The following ZSCAN4 variants were observed in gnomAD, a reference collection of about 807,000 sequenced individuals.
The protein encoded by ZSCAN4 is zinc finger and SCAN domain-containing protein 4.
ZSCAN4 carries 18 observed loss-of-function variants against 18.3 expected under a neutral mutation model. The observed-to-expected ratio is 0.98, with a 90% CI of 0.68 to 1.46. ZSCAN4 has a LOEUF of 1.46. Among genes scored for constraint, ZSCAN4 ranks in the 40% most tolerant of loss-of-function variants. ZSCAN4 has a pLI of 0.00. For missense variants in ZSCAN4, 498 were observed against 511.4 expected (o/e 0.97, Z 0.25); for synonymous variants, 193 against 180.3 (o/e 1.07, Z -0.57).
chr19:57,672,260 T>TG (rs1984046259), intron 2 of ZSCAN4, among the ~76,000 whole-genome samples: 1 of 152,066 alleles, frequency 6.6e-6, no homozygotes, highest in Admixed American at 6.6e-5. Context: ...TAACTGTTAA[T>TG]GGGAAAAAAA....
chr19:57,674,860 G>A (rs1438550530), intron 2 of ZSCAN4, among the ~76,000 whole-genome samples: 3 of 151,822 alleles, frequency 2.0e-5, no homozygotes, highest in Non-Finnish European at 4.4e-5. Flanking sequence ...ACTGGTTAGG[G>A]AGCAATCCAA....
chr19:57,676,416 C>T lies in ZSCAN4; in HGVS notation c.271C>T (p.Gln91Ter), dbSNP rs1479076557. ...AATTATTTCTCTATTAGTCCTGGAG[C>T]AGTTTATGATTGGTGGCCACTGCAA... Residue 91 changes from glutamine to a stop codon, truncating the protein, a stop_gained, in exon 3 of 5, where the codon CAG becomes TAG. Coordinates refer to ENST00000318203, the Ensembl canonical transcript of ZSCAN4. LOFTEE classifies it high-confidence loss of function. 3.7e-6 allele frequency: 6 copies of T among 1,614,120 alleles called. No homozygotes were observed. Among genetic ancestry groups the T allele is most frequent in the Non-Finnish European group, 5.1e-6 (6 of 1,180,018 alleles).
chr19:57,676,031 C>T lies in ZSCAN4; in HGVS notation c.-105-10C>T, dbSNP rs1984170384. 1.9e-6 allele frequency: 2 copies of T among 1,070,634 alleles called. No homozygotes were observed. The highest frequency in any genetic ancestry group is 1.8e-5 in the South Asian group (1 of 56,812). The allele number at this position is 1,070,634 out of a possible 1,614,324, so 66.3% of individuals were successfully genotyped here. A position where few individuals can be genotyped will look rare whatever the true frequency, so the allele number is the denominator to read the frequency against. On this transcript the variant is annotated splice_polypyrimidine_tract_variant and intron_variant, in intron 2 of 4. Coordinates refer to ENST00000318203, the Ensembl canonical transcript of ZSCAN4. ...GTGCAATTAATTACTCATCTCTTTT[C>T]TATTTCTAGCTTGCAGTTTTAAAGA...
chr19:57,678,766 G>GA lies in ZSCAN4; in HGVS notation c.1165dup (p.Ile389AsnfsTer14). On this transcript the variant is annotated frameshift_variant, in exon 5 of 5. Transcript: ENST00000318203. LOFTEE classifies it low-confidence loss of function (END_TRUNC). Reference sequence around the variant, plus strand: ...AAAACCAACCTGCGGTCTCATGAGAGAATCCACACAGGAGAAAAGCCTTAT... The same window carrying GA: ...AAAACCAACCTGCGGTCTCATGAGAGAAATCCACACAGGAGAAAAGCCTTAT... 4 of 1,614,070 alleles carry GA rather than the reference G, an allele frequency of 2.5e-6. No individual in the cohort carries two copies. The highest frequency in any genetic ancestry group is 3.4e-6 in the Non-Finnish European group (4 of 1,180,018).
At chr19:57,676,338 C>T (rs1984186458) in exon 3 of ZSCAN4, 3 of 1,614,184 alleles carry the variant, frequency 1.9e-6, no homozygotes, top group Middle Eastern at 1.6e-4. Flanking sequence ...ATTGCAAAGA[C>T]TTTATAGGAT....
chr19:57,678,419 A>G, exon 5 of ZSCAN4: 2 of 1,614,144 alleles, frequency 1.2e-6, no homozygotes, highest in South Asian at 1.1e-5. Flanking sequence ...TGATGGGAGC[A>G]GGGTGTATCT....
intron 1 of ZSCAN4, among the ~76,000 whole-genome samples, chr19:57,669,718 T>TC (rs56271221): frequency 8.1e-6 from 1 of 122,790 alleles, no homozygotes; most frequent in Non-Finnish European, 1.6e-5. Flanking sequence ...GTTTTTTTTT[T>TC]GTTCGTTTTG....
intron 2 of ZSCAN4, among the ~76,000 whole-genome samples, chr19:57,672,192 A>G (rs1280965504): frequency 6.6e-6 from 1 of 152,188 alleles, no homozygotes; most frequent in Admixed American, 6.5e-5. Context: ...ACAGGGAGTA[A>G]AAACAGATAA....
At chr19:57,658,558 G>A in the ZSCAN4 span, among the ~76,000 whole-genome samples, 11 of 152,280 alleles carry the variant, frequency 7.2e-5, no homozygotes, top group South Asian at 2.3e-3. Flanking sequence ...TTCCTGCCGG[G>A]TGCAGTGGCT....
At chr19:57,658,016 G>A in the ZSCAN4 span, among the ~76,000 whole-genome samples, 4 of 152,156 alleles carry the variant, frequency 2.6e-5, no homozygotes, top group African/African-American at 7.2e-5. Flanking sequence ...ATCTATAGAT[G>A]CAGAACCCAT....
At chr19:57,674,520 G>T (rs1380326818) in intron 2 of ZSCAN4, among the ~76,000 whole-genome samples, 1 of 152,158 alleles carries the variant, frequency 6.6e-6, no homozygotes, top group Non-Finnish European at 1.5e-5. Flanking sequence ...TTTTATGGCT[G>T]CATAATATTC....
chr19:57,677,370 G>A (rs1273923269), intron 3 of ZSCAN4, among the ~76,000 whole-genome samples: 2 of 151,912 alleles, frequency 1.3e-5, no homozygotes, highest in Admixed American at 6.6e-5. Flanking sequence ...TCCTATTTTG[G>A]TTCCTACAGT....
chr19:57,678,872 G>C, exon 5 of ZSCAN4: 1 of 1,610,160 alleles, frequency 6.2e-7, no homozygotes, highest in East Asian at 2.2e-5. Flanking sequence ...AAATTACCCT[G>C]CCAAGTGTTC....
chr19:57,667,941 G>A (rs1284687131), upstream of ZSCAN4, among the ~76,000 whole-genome samples: 2 of 151,614 alleles, frequency 1.3e-5, no homozygotes, highest in African/African-American at 2.4e-5. Context: ...TCACTCTGTC[G>A]CCCAGGCTGG....
exon 3 of ZSCAN4, chr19:57,676,262 T>A (rs1200295115): frequency 6.2e-7 from 1 of 1,614,186 alleles, no homozygotes; most frequent in South Asian, 1.1e-5. Context: ...AAGAAGGGAT[T>A]TCTGAGTTCT....
the ZSCAN4 span, among the ~76,000 whole-genome samples, chr19:57,654,813 C>T: frequency 6.6e-6 from 1 of 152,304 alleles, no homozygotes; most frequent in East Asian, 1.9e-4. Flanking sequence ...GATCCTGATA[C>T]TCACACATCC....
Position 57,670,577 on chromosome 19 carries a change from C to T in ZSCAN4, c.-106+10C>T, listed in dbSNP as rs1983988181. On this transcript the variant is annotated intron_variant, in intron 2 of 4. Coordinates refer to ENST00000318203, the Ensembl canonical transcript of ZSCAN4. ...CCAGTCAACCAAGGAGGTAAGCTTCCATAATGGAAGGAAAATTTTGTGCCT... is the reference window on the plus strand; with the variant it reads ...CCAGTCAACCAAGGAGGTAAGCTTCTATAATGGAAGGAAAATTTTGTGCCT... 6.6e-6 allele frequency: 1 copy of T among 152,216 alleles called. No individual in the cohort carries two copies. The highest frequency in any genetic ancestry group is 6.5e-5 in the Admixed American group (1 of 15,268). The allele number at this position is 152,216 out of a possible 1,614,324, so 9.4% of individuals were successfully genotyped here.
chr19:57,659,942 T>G, the ZSCAN4 span, among the ~76,000 whole-genome samples: 1 of 152,220 alleles, frequency 6.6e-6, no homozygotes, highest in African/African-American at 2.4e-5. Flanking sequence ...ATATACACAA[T>G]ACTCAAATGT....
chr19:57,677,021 G>A (rs1376673871), intron 3 of ZSCAN4, among the ~76,000 whole-genome samples: 4 of 152,186 alleles, frequency 2.6e-5, no homozygotes, highest in African/African-American at 4.8e-5. Flanking sequence ...CAAGTGATCC[G>A]CCTGCCTTGG....
Sources: allele counts gnomAD v4.1 joint callset (sites outside exome capture counted in the v4.1 genomes callset), GRCh38; gene constraint gnomAD v4.1.1; transcripts MANE v1.5; gene names NCBI Gene and HGNC (gene_info 2026-07-23, HGNC 2026-07-21).